The following INTS3 variants were observed in gnomAD, a reference collection of about 807,000 sequenced individuals.
The protein encoded by INTS3 is integrator complex subunit 3.
Under a neutral mutation model 146.3 loss-of-function variants are expected in INTS3, and 34 were observed. The observed-to-expected ratio is 0.23, with a 90% confidence interval of 0.18 to 0.31. The LOEUF is 0.31. INTS3 is among the 10% of genes least tolerant of loss of function. The pLI is 1.00. For synonymous variants in INTS3, 475 were observed against 494.9 expected (o/e 0.96, Z 0.53); for missense variants, 757 against 1,304.2 (o/e 0.58, Z 6.46).
At chr1:153,762,556 G>A (rs1489469758) in intron 14 of INTS3, among the ~76,000 whole-genome samples, 172 bp from the exon 15 acceptor site, 2 of 152,196 alleles carry the variant, frequency 1.3e-5, no homozygotes, top group East Asian at 3.9e-4. Flanking sequence ...GTCATGGAGG[G>A]TTGTGAGGAC....
chr1:153,729,220 C>T (rs1185361618), intron 1 of INTS3, among the ~76,000 whole-genome samples: 1 of 152,158 alleles, frequency 6.6e-6, no homozygotes, highest in Non-Finnish European at 1.5e-5. Context: ...CTGTTAGATG[C>T]TATCATTGAC....
In INTS3 at chr1:153,754,753, TTGCAG is replaced by T; in HGVS notation, c.957+15_957+19del. On this transcript the variant is annotated intron_variant, in intron 9 of 29. Transcript: ENST00000318967. ...ATGACATCCCGGGTAAGCTAAGGTG[TTGCAG>T]CAAGAGAAGAGGTCACACGCTGGCT... 1 of 1,552,850 alleles carries T rather than the reference TTGCAG, an allele frequency of 6.4e-7. No individual in the cohort carries two copies. The highest frequency in any genetic ancestry group is 8.9e-7 in the Non-Finnish European group (1 of 1,124,210).
At position 153,760,032 on chromosome 1, in the gene INTS3, C is replaced by T. The variant is rs964263528; in HGVS notation, c.1238-279C>T. ...GGAATAGACATAGCACTTCCCAGAGCCATTCATGTATATTGACATCCCATT... is the reference window on the plus strand; with the variant it reads ...GGAATAGACATAGCACTTCCCAGAGTCATTCATGTATATTGACATCCCATT... On this transcript the variant is annotated intron_variant, in intron 11 of 29. Transcript: ENST00000318967. 2.2e-5 allele frequency: 12 copies of T among 538,276 alleles called. No individual in the cohort carries two copies. In the Admixed American group the frequency reaches 2.8e-4, roughly 13 times the overall value. The allele number at this position is 538,276 out of a possible 1,614,324, so 33.3% of individuals were successfully genotyped here. A position where few individuals can be genotyped will look rare whatever the true frequency, so the allele number is the denominator to read the frequency against.
At chr1:153,732,404 C>T (rs894520067) in intron 1 of INTS3, among the ~76,000 whole-genome samples, 3 of 151,806 alleles carry the variant, frequency 2.0e-5, no homozygotes, top group African/African-American at 7.3e-5. Context: ...ATACTTTGAA[C>T]GCAGCTTGTT....
intron 3 of INTS3, among the ~76,000 whole-genome samples, chr1:153,746,470 C>A (rs571820338): frequency 6.6e-6 from 1 of 152,104 alleles, no homozygotes; most frequent in Admixed American, 6.6e-5. Flanking sequence ...GCGCGATCTC[C>A]GCTCACTGCA....
chr1:153,768,739 T>C (rs1454991789), intron 21 of INTS3, among the ~76,000 whole-genome samples, 154 bp from the exon 22 acceptor site: 1 of 152,204 alleles, frequency 6.6e-6, no homozygotes, highest in Non-Finnish European at 1.5e-5. Flanking sequence ...TCTTCCAGCA[T>C]CATAGCTGTT....
chr1:153,771,726 A>G (rs1558011691), intron 25 of INTS3, 70 bp from the exon 26 acceptor site: 1 of 1,482,030 alleles, frequency 6.7e-7, no homozygotes, highest in East Asian at 2.3e-5. Context: ...CTTGGGAAAT[A>G]AGTGGGAGAG....
rs1672292723 is a variant in INTS3 at position 153,759,455 on chromosome 1, G to A, written c.1150-71G>A. On this transcript the variant is annotated intron_variant, in intron 10 of 29. Coordinates refer to ENST00000318967, the MANE Select transcript of INTS3 (RefSeq NM_023015.5). ...AACAGCCAAGTGGGGCCTGGAATCTGTCTTGGGACTCTGAAATGGAGGGGG... is the reference window on the plus strand; with the variant it reads ...AACAGCCAAGTGGGGCCTGGAATCTATCTTGGGACTCTGAAATGGAGGGGG... 7.7e-6 allele frequency: 8 copies of A among 1,041,202 alleles called. No individual in the cohort carries two copies. In the South Asian group the frequency reaches 1.0e-4, roughly 13 times the overall value. The allele number at this position is 1,041,202 out of a possible 1,614,324, so 64.5% of individuals were successfully genotyped here. A position where few individuals can be genotyped will look rare whatever the true frequency, so the allele number is the denominator to read the frequency against.
intron 12 of INTS3, 197 bp downstream of exon 12, chr1:153,760,587 G>C: frequency 1.6e-6 from 1 of 626,008 alleles, no homozygotes; most frequent in Non-Finnish European, 2.8e-6. Context: ...CATTTTCTGT[G>C]GGGTTTCTCA....
intron 1 of INTS3, among the ~76,000 whole-genome samples, chr1:153,734,431 A>G (rs1671211068): frequency 6.6e-6 from 1 of 152,160 alleles, no homozygotes; most frequent in Non-Finnish European, 1.5e-5. Flanking sequence ...TTGCCTGTGA[A>G]CAGAAAGGAC....
rs1008355492 is a variant in INTS3, at chr1:153,767,418, T to C, written c.2091-256T>C. 4 of 401,900 alleles carry C rather than the reference T, an allele frequency of 1.0e-5. No homozygotes were observed. The East Asian group carries it at 1.2e-4, about 12-fold the overall frequency. The allele number at this position is 401,900 out of a possible 1,614,324, so 24.9% of individuals were successfully genotyped here. On this transcript the variant is annotated intron_variant, in intron 20 of 29. Coordinates refer to ENST00000318967, the MANE Select transcript of INTS3 (RefSeq NM_023015.5). ...CTCCCTCTTCTGTTCCTGACTCTCA[T>C]CCGGCAGTAGCTTCACTCACTGATC... is the stretch of plus-strand genomic sequence containing the variant.
chr1:153,737,772 T>C (rs1671358599), intron 1 of INTS3, among the ~76,000 whole-genome samples: 1 of 152,136 alleles, frequency 6.6e-6, no homozygotes, highest in Admixed American at 6.5e-5. Flanking sequence ...GTGCTGGGAT[T>C]ACAGACGTGA....
rs1327940354 is a variant in INTS3 at position 153,761,332 on chromosome 1, A to C, written c.1410-238A>C. 13 of 497,042 alleles carry C rather than the reference A, an allele frequency of 2.6e-5. No homozygotes were observed. The Admixed American group carries it at 3.7e-4, about 14-fold the overall frequency. The allele number at this position is 497,042 out of a possible 1,614,324, so 30.8% of individuals were successfully genotyped here. A position where few individuals can be genotyped will look rare whatever the true frequency, so the allele number is the denominator to read the frequency against. The stretch of plus-strand genomic sequence containing the variant: ...TTGAGACCTGCCTGGCCAACATGGC[A>C]AAACCCGTGTCTACTAAAAATACAA... On this transcript the variant is annotated intron_variant, in intron 13 of 29. Coordinates refer to ENST00000318967, the MANE Select transcript of INTS3 (RefSeq NM_023015.5).
chr1:153,763,711 C>A, intron 16 of INTS3, 121 bp from the exon 17 acceptor site: 1 of 883,052 alleles, frequency 1.1e-6, no homozygotes, highest in South Asian at 1.6e-5. Context: ...TGGGATTTTA[C>A]ACAGAGCTCC....
rs371321538 is a variant in INTS3 at position 153,770,261 on chromosome 1, A to G, written c.2453A>G (p.Asn818Ser). 3.3e-5 allele frequency: 53 copies of G among 1,613,678 alleles called. No homozygotes were observed. The highest frequency in any genetic ancestry group is 1.6e-4 in the East Asian group (7 of 44,894). ...GCCTGGCAGCTCTTTCTGGCCCACAATATTCCCCTGGAGACCATAATCCCC... is the reference window on the plus strand; with the variant it reads ...GCCTGGCAGCTCTTTCTGGCCCACAGTATTCCCCTGGAGACCATAATCCCC... Reference protein sequence around the residue: ...YCAWQLFLAHNIPLETIIPIL... With the variant: ...YCAWQLFLAHSIPLETIIPIL... Residue 818 changes from asparagine (N) to serine (S), a missense_variant, in exon 24 of 30, where the codon AAT (asparagine) becomes AGT (serine). Coordinates refer to ENST00000318967, the MANE Select transcript of INTS3 (RefSeq NM_023015.5).
At chr1:153,746,015 A>G (rs534348821) in intron 3 of INTS3, among the ~76,000 whole-genome samples, 3 of 152,266 alleles carry the variant, frequency 2.0e-5, no homozygotes, top group Admixed American at 6.5e-5. Context: ...CGAAGCTGCA[A>G]TGAGCTATGA....
intron 1 of INTS3, among the ~76,000 whole-genome samples, chr1:153,730,946 C>G (rs939545003): frequency 1.3e-5 from 2 of 152,160 alleles, no homozygotes; most frequent in Non-Finnish European, 2.9e-5. Context: ...CCACAGATCT[C>G]TGCACACAGA....
intron 1 of INTS3, among the ~76,000 whole-genome samples, chr1:153,730,347 G>T (rs1671016870): frequency 6.6e-6 from 1 of 152,170 alleles, no homozygotes; most frequent in Non-Finnish European, 1.5e-5. Context: ...AGGACTGCCT[G>T]GCAATTGGAA....
intron 3 of INTS3, among the ~76,000 whole-genome samples, chr1:153,742,485 T>TGTGTGTGTGC (rs1671573265): frequency 6.6e-6 from 1 of 151,436 alleles, no homozygotes; most frequent in African/African-American, 2.4e-5. Context: ...TCTCTGTGTG[T>TGTGTGTGTGC]GTGTGTGTGT....
Sources: gnomAD v4.1 joint callset for allele counts (sites outside exome capture counted in the v4.1 genomes callset) on GRCh38, gnomAD v4.1.1 for gene constraint, MANE v1.5 for transcripts, NCBI Gene and HGNC (gene_info 2026-07-23, HGNC 2026-07-21) for gene names.